The following SAAL1 variants were observed in gnomAD, a reference collection of about 807,000 sequenced individuals.
SAAL1 encodes the protein serum amyloid A like 1, also known as protein SAAL1.
A neutral mutation model predicts 59.8 loss-of-function variants in SAAL1; 42 were observed. The observed-to-expected ratio is 0.70, with a 90% CI of 0.55 to 0.91. The LOEUF (loss-of-function observed/expected upper bound fraction) is 0.91. Among genes scored for constraint, SAAL1 ranks in the 40% least tolerant of loss-of-function variants. The pLI, the probability that SAAL1 is intolerant of heterozygous loss-of-function variation, is 0.00. For missense variants in SAAL1, 542 were observed against 561.1 expected (o/e 0.97, Z 0.34); for synonymous variants, 191 against 194.3 (o/e 0.98, Z 0.14).
intron 10 of SAAL1, 66 bp downstream of exon 10, chr11:18,083,467 TAA>T (rs1315573984): frequency 4.8e-6 from 4 of 825,608 alleles, no homozygotes; most frequent in Non-Finnish European, 7.3e-6. Flanking sequence ...TAAAAAAAAA[TAA>T]AGTTTGAAGC....
At chr11:18,090,623 A>T (rs1189272966) in intron 4 of SAAL1, 130 bp from the exon 5 acceptor site, 1 of 970,678 alleles carries the variant, frequency 1.0e-6, no homozygotes, top group Non-Finnish European at 1.5e-6. Flanking sequence ...AAAGATACAA[A>T]TCTATAGTTA....
intron 2 of SAAL1, among the ~76,000 whole-genome samples, chr11:18,099,694 T>C (rs560584721): frequency 8.1e-5 from 12 of 147,318 alleles, no homozygotes; most frequent in East Asian, 3.9e-4. Flanking sequence ...CTGACTGGAG[T>C]GTCTGGGGTG....
intron 10 of SAAL1, chr11:18,083,263 C>T (rs1453939410): frequency 3.3e-5 from 7 of 210,488 alleles, no homozygotes; most frequent in Non-Finnish European, 4.7e-5. Flanking sequence ...AAACAGTAGT[C>T]TATAAAAATT....
chr11:18,095,427 T>G (rs144307846), intron 3 of SAAL1, among the ~76,000 whole-genome samples: 1 of 152,144 alleles, frequency 6.6e-6, no homozygotes, highest in Non-Finnish European at 1.5e-5. Flanking sequence ...TCTACTTAAA[T>G]AAGAATTCTA....
intron 7 of SAAL1, among the ~76,000 whole-genome samples, chr11:18,087,548 T>C (rs1848479686): frequency 6.6e-6 from 1 of 152,148 alleles, no homozygotes; most frequent in Non-Finnish European, 1.5e-5. Flanking sequence ...GCTTGAATAA[T>C]CAGAACAAAA....
chr11:18,101,703 T>C (rs1010188837), intron 2 of SAAL1, among the ~76,000 whole-genome samples: 4 of 152,102 alleles, frequency 2.6e-5, no homozygotes, highest in Non-Finnish European at 4.4e-5. Context: ...CCATACACAC[T>C]TGTATACAAA....
At chr11:18,082,182 C>A (rs1477623069) in intron 10 of SAAL1, among the ~76,000 whole-genome samples, 1 of 151,942 alleles carries the variant, frequency 6.6e-6, no homozygotes, top group African/African-American at 2.4e-5. Context: ...CTCCAAAAAA[C>A]AGAAACAACA....
At chr11:18,094,172 T>C (rs1038124523) in intron 3 of SAAL1, among the ~76,000 whole-genome samples, 3 of 152,260 alleles carry the variant, frequency 2.0e-5, no homozygotes, top group Admixed American at 2.0e-4. Context: ...TATGATTAGA[T>C]AAGTGTGACC....
intron 1 of SAAL1, among the ~76,000 whole-genome samples, chr11:18,103,605 C>CTGAG (rs745972850): frequency 3.3e-5 from 5 of 152,306 alleles, no homozygotes; most frequent in African/African-American, 1.2e-4. Context: ...TGGTCCCAAT[C>CTGAG]TGAGTGAGTG....
intron 7 of SAAL1, 136 bp from the exon 8 acceptor site, chr11:18,087,361 G>A (rs1025626062): frequency 8.7e-6 from 5 of 574,746 alleles, no homozygotes; most frequent in East Asian, 2.8e-5. Flanking sequence ...GGAAAGGAAC[G>A]AAGTCTCTGT....
In SAAL1 at chr11:18,083,665, G is replaced by A; in HGVS notation, c.1109C>T (p.Pro370Leu). ...TGTGTTAGACTCTGCCGAGTTCTCT[G>A]GTTTTTTCTGACACTGTTCCATATT... ...LQNMEQCQKK[P>L]ENSAESNTEE... Residue 370 changes from proline (P) to leucine (L), a missense_variant, in exon 10 of 12, where the codon CCA (proline) becomes CTA (leucine). Transcript: ENST00000524803. 2 of 1,611,824 alleles carry A rather than the reference G, an allele frequency of 1.2e-6. No individual in the cohort carries two copies. Among genetic ancestry groups the A allele is most frequent in the Non-Finnish European group, 1.7e-6 (2 of 1,178,538 alleles).
chr11:18,087,134 C>T lies in SAAL1; in HGVS notation c.853+9G>A. 6.2e-7 allele frequency: 1 copy of T among 1,609,836 alleles called. No individual in the cohort carries two copies. The highest frequency in any genetic ancestry group is 8.5e-7 in the Non-Finnish European group (1 of 1,176,128). ...AGTAACTGTAGTGCATCCCGATAAACCACCTTACCAATTGCTTGAATTCCA... is the reference window on the plus strand; with the variant it reads ...AGTAACTGTAGTGCATCCCGATAAATCACCTTACCAATTGCTTGAATTCCA... On this transcript the variant is annotated intron_variant, in intron 8 of 11. Coordinates refer to ENST00000524803, the MANE Select transcript of SAAL1 (RefSeq NM_138421.3).
At chr11:18,092,516 G>C (rs551154616) in intron 3 of SAAL1, among the ~76,000 whole-genome samples, 192 bp from the exon 4 acceptor site, 3 of 152,254 alleles carry the variant, frequency 2.0e-5, no homozygotes, top group South Asian at 4.1e-4. Context: ...GATGAAAAAC[G>C]TAAGAACAAG....
intron 9 of SAAL1, among the ~76,000 whole-genome samples, chr11:18,085,620 T>TAAAAACATTCTGAAAACTTAGAATGAA (rs1470709632): frequency 1.1e-4 from 17 of 152,300 alleles, no homozygotes; most frequent in African/African-American, 4.1e-4. Context: ...TAAAAATAGT[T>TAAAAACATTCTGAAAACTTAGAATGAA]AAAAACATTC....
chr11:18,104,177 TTTCA>T (rs1202582747), intron 1 of SAAL1, among the ~76,000 whole-genome samples: 1 of 152,182 alleles, frequency 6.6e-6, no homozygotes, highest in Non-Finnish European at 1.5e-5. Context: ...GTAAAATTGG[TTTCA>T]TTATCAGTAA....
chr11:18,086,253 C>G (rs968276639), intron 9 of SAAL1, among the ~76,000 whole-genome samples: 2 of 151,970 alleles, frequency 1.3e-5, no homozygotes, highest in South Asian at 2.1e-4. Flanking sequence ...TATTTAAAAA[C>G]TAGCCAGGTG....
At chr11:18,083,355 A>C (rs1848430090) in intron 10 of SAAL1, 180 bp downstream of exon 10, 4 of 474,384 alleles carry the variant, frequency 8.4e-6, no homozygotes, top group Non-Finnish European at 1.5e-5. Flanking sequence ...TGTCACACGT[A>C]AATATACCAA....
intron 1 of SAAL1, among the ~76,000 whole-genome samples, chr11:18,104,918 A>C (rs968720776): frequency 9.2e-5 from 14 of 152,172 alleles, no homozygotes; most frequent in Admixed American, 2.0e-4. Context: ...CTGTGTAGAA[A>C]ATTGACTGGA....
Position 18,080,553 on chromosome 11 carries a change from T to C in SAAL1, c.1333-62A>G. The C allele has an allele frequency of 6.4e-6, 7 of 1,085,644 alleles. No individual in the cohort carries two copies. In the South Asian group the frequency reaches 1.0e-4, roughly 16 times the overall value. 67.3% of individuals were successfully genotyped at this position (1,085,644 alleles called of 1,614,324 possible). Reference sequence around the variant, plus strand: ...AAGAGAAAAACGTGCTTTAAGGTACTGATTGCTCTACCTGTGGTTTCTAAA... The same window carrying C: ...AAGAGAAAAACGTGCTTTAAGGTACCGATTGCTCTACCTGTGGTTTCTAAA... On this transcript the variant is annotated intron_variant, in intron 11 of 11. Coordinates refer to ENST00000524803, the MANE Select transcript of SAAL1 (RefSeq NM_138421.3).
Sources: gnomAD v4.1 joint callset for allele counts (sites outside exome capture counted in the v4.1 genomes callset) on GRCh38, gnomAD v4.1.1 for gene constraint, MANE v1.5 for transcripts, NCBI Gene and HGNC (gene_info 2026-07-23, HGNC 2026-07-21) for gene names.